The following NDST4 variants were observed in gnomAD, a reference collection of about 807,000 sequenced individuals.
The protein encoded by NDST4 is N-deacetylase and N-sulfotransferase 4.
NDST4 carries 63 observed loss-of-function variants against 100.8 expected under a neutral mutation model. That is an observed-to-expected ratio of 0.62 (90% confidence interval 0.51 to 0.77). The LOEUF is 0.77. Ranked by LOEUF, NDST4 falls within the 30% of genes least tolerant of loss-of-function variation. The probability of loss-of-function intolerance (pLI) is 0.00; values close to 1 mark genes in which losing one functional copy is unlikely to be tolerated. For missense variants in NDST4, 943 were observed against 1,018.4 expected, an observed-to-expected ratio of 0.93 and a Z score of 1.01; for synonymous variants, 377 against 361.8, an observed-to-expected ratio of 1.04 and a Z score of -0.48.
intron 7 of NDST4, among the ~76,000 whole-genome samples, chr4:114,865,170 T>C (rs908153530): frequency 3.3e-5 from 5 of 151,826 alleles, no homozygotes; most frequent in African/African-American, 4.8e-5. Context: ...AGTCAAGTGA[T>C]TCTCCTGCCT....
chr4:114,884,553 T>C (rs1367679202), intron 6 of NDST4, among the ~76,000 whole-genome samples: 2 of 152,268 alleles, frequency 1.3e-5, no homozygotes, highest in Non-Finnish European at 2.9e-5. Context: ...AGTGATGTGG[T>C]ACCTTTAAAA....
chr4:115,059,199 A>T (rs943682219), intron 2 of NDST4, among the ~76,000 whole-genome samples: 2 of 152,092 alleles, frequency 1.3e-5, no homozygotes, highest in African/African-American at 2.4e-5. Context: ...CAAGATGGTA[A>T]TATGAGAATT....
At chr4:115,004,826 G>T (rs1727378677) in intron 2 of NDST4, among the ~76,000 whole-genome samples, 1 of 152,068 alleles carries the variant, frequency 6.6e-6, no homozygotes, top group African/African-American at 2.4e-5. Flanking sequence ...TTTAATAGGA[G>T]AAAAAGTGGA....
chr4:114,867,178 T>G (rs1724044865), intron 7 of NDST4, among the ~76,000 whole-genome samples: 1 of 152,192 alleles, frequency 6.6e-6, no homozygotes, highest in Non-Finnish European at 1.5e-5. Flanking sequence ...GCTCTTACAA[T>G]CTTTAATTCT....
At chr4:115,090,679 A>C (rs1191540565) in intron 1 of NDST4, among the ~76,000 whole-genome samples, 1 of 151,976 alleles carries the variant, frequency 6.6e-6, no homozygotes, top group East Asian at 1.9e-4. Context: ...CTTTTTCAAC[A>C]CTAGAGGGCA....
At chr4:114,953,433 G>A (rs1299865679) in intron 4 of NDST4, among the ~76,000 whole-genome samples, 1 of 152,086 alleles carries the variant, frequency 6.6e-6, no homozygotes, top group Non-Finnish European at 1.5e-5. Flanking sequence ...CTTGGACCAG[G>A]AGACTGAGGA....
chr4:115,036,474 A>G (rs2126272139), intron 2 of NDST4, among the ~76,000 whole-genome samples: 1 of 151,796 alleles, frequency 6.6e-6, no homozygotes, highest in Admixed American at 6.6e-5. Flanking sequence ...GAAAACTAAT[A>G]ATAGTATCTA....
Position 114,829,901 on chromosome 4 carries a change from C to T in NDST4, c.2397-9G>A. On this transcript the variant is annotated splice_polypyrimidine_tract_variant and intron_variant, in intron 12 of 13. Coordinates refer to ENST00000264363, the MANE Select transcript of NDST4 (RefSeq NM_022569.3). ...CCTTTTGGGGATCAAACCTACAGTA[C>T]ATAAAACATAATGATTACAAATTGT... 6.3e-7 allele frequency: 1 copy of T among 1,579,294 alleles called. No individual in the cohort carries two copies. Among genetic ancestry groups the T allele is most frequent in the African/African-American group, 1.4e-5 (1 of 73,980 alleles).
chr4:115,085,138 GA>G (rs970665701), intron 1 of NDST4, among the ~76,000 whole-genome samples: 1 of 152,168 alleles, frequency 6.6e-6, no homozygotes, highest in African/African-American at 2.4e-5. Flanking sequence ...GATAATTTTG[GA>G]ACTTTAAGCT....
At chr4:115,021,365 CATTCCATATAT>C (rs779620872) in intron 2 of NDST4, among the ~76,000 whole-genome samples, 11 of 141,470 alleles carry the variant, frequency 7.8e-5, no homozygotes, top group African/African-American at 3.0e-4. Flanking sequence ...TCCATATATA[CATTCCATATAT>C]ATATTCCATA....
intron 2 of NDST4, among the ~76,000 whole-genome samples, chr4:115,038,623 CAT>C (rs1450987112): frequency 3.9e-5 from 6 of 152,140 alleles, no homozygotes; most frequent in Non-Finnish European, 8.8e-5. Context: ...AAGTAAAGGA[CAT>C]GTAATTAAGA....
At chr4:115,037,027 G>T (rs1263979657) in intron 2 of NDST4, among the ~76,000 whole-genome samples, 1 of 151,914 alleles carries the variant, frequency 6.6e-6, no homozygotes, top group Non-Finnish European at 1.5e-5. Flanking sequence ...TAGAGAAAAA[G>T]ATGAGAGAAG....
chr4:115,082,171 A>T (rs1380620883), intron 1 of NDST4, among the ~76,000 whole-genome samples: 1 of 152,130 alleles, frequency 6.6e-6, no homozygotes, highest in African/African-American at 2.4e-5. Flanking sequence ...AATGTGGCTT[A>T]TCACCTAGGT....
intron 7 of NDST4, among the ~76,000 whole-genome samples, chr4:114,854,549 A>C (rs1185783656): frequency 6.6e-6 from 1 of 152,054 alleles, no homozygotes; most frequent in Non-Finnish European, 1.5e-5. Context: ...GCTCACCGCA[A>C]CCTTCGCCTC....
Position 115,076,768 on chromosome 4 carries a change from TGA to T in NDST4, c.267_268del (p.Gln90ThrfsTer33). On this transcript the variant is annotated frameshift_variant, in exon 2 of 14. Coordinates refer to ENST00000264363, the MANE Select transcript of NDST4 (RefSeq NM_022569.3). LOFTEE classifies it high-confidence loss of function. ...AATAGCTATGATATCTTGACCGAGT[TGA>T]GAGTATTGGCTCTCCACGAAGAGAA... 6.2e-7 allele frequency: 1 copy of T among 1,614,014 alleles called. No individual in the cohort carries two copies. The highest frequency in any genetic ancestry group is 2.2e-5 in the East Asian group (1 of 44,832).
At chr4:114,929,952 T>C (rs1725478414) in intron 6 of NDST4, among the ~76,000 whole-genome samples, 1 of 152,100 alleles carries the variant, frequency 6.6e-6, no homozygotes, top group East Asian at 1.9e-4. Context: ...TGAAAATTAT[T>C]GACTTACCCT....
At chr4:115,025,417 G>A (rs1727962369) in intron 2 of NDST4, among the ~76,000 whole-genome samples, 2 of 152,094 alleles carry the variant, frequency 1.3e-5, no homozygotes. Flanking sequence ...CTTAGGTAAT[G>A]ATATATTTCT....
intron 8 of NDST4, among the ~76,000 whole-genome samples, chr4:114,849,973 A>G (rs1324504781): frequency 1.3e-5 from 2 of 152,194 alleles, no homozygotes; most frequent in Non-Finnish European, 2.9e-5. Context: ...AGAAGAGCAA[A>G]AACAAAAAAT....
chr4:115,015,968 C>T (rs928242765), intron 2 of NDST4, among the ~76,000 whole-genome samples: 1 of 152,006 alleles, frequency 6.6e-6, no homozygotes, highest in African/African-American at 2.4e-5. Flanking sequence ...GAAGGAGCAG[C>T]ATTTTGTTCT....
Sources: gnomAD v4.1 joint callset for allele counts (sites outside exome capture counted in the v4.1 genomes callset) on GRCh38, gnomAD v4.1.1 for gene constraint, MANE v1.5 for transcripts, NCBI Gene and HGNC (gene_info 2026-07-23, HGNC 2026-07-21) for gene names.